Variants in LRP1 observed in about 807,000 individuals in gnomAD.
LRP1 encodes the protein prolow-density lipoprotein receptor-related protein 1.
A neutral mutation model predicts 541.5 loss-of-function variants in LRP1; 51 were observed. That is an observed-to-expected ratio of 0.09 (90% CI 0.08 to 0.12). LRP1 has a LOEUF of 0.12. Ranked by LOEUF, LRP1 falls within the 10% of genes least tolerant of loss-of-function variation. LRP1 has a pLI of 1.00. For synonymous variants in LRP1, 2,219 were observed against 2,470.8 expected, an observed-to-expected ratio of 0.90 and a Z score of 3.02; for missense variants, 3,878 against 6,376.2, an observed-to-expected ratio of 0.61 and a Z score of 13.34.
Position 57,128,895 on chromosome 12 carries a change from C to A in LRP1, c.-70C>A. 1 of 1,358,264 alleles carries A rather than the reference C, an allele frequency of 7.4e-7. No homozygotes were observed. The highest frequency in any genetic ancestry group is 1.0e-6 in the Non-Finnish European group (1 of 989,452). The allele number at this position is 1,358,264 out of a possible 1,614,324, so 84.1% of individuals were successfully genotyped here. A position where few individuals can be genotyped will look rare whatever the true frequency, so the allele number is the denominator to read the frequency against. Reference sequence around the variant, plus strand: ...AAGGAGGAAAAGGGGGACCCCCCAACTGGGGGGGGTGAAGGAGAGAAGTAG... The same window carrying A: ...AAGGAGGAAAAGGGGGACCCCCCAAATGGGGGGGGTGAAGGAGAGAAGTAG... On this transcript the variant is annotated 5_prime_UTR_variant, in exon 1 of 89. In the 5' UTR this introduces an upstream ATG that the reference lacks. Coordinates refer to ENST00000243077, the MANE Select transcript of LRP1 (RefSeq NM_002332.3).
At chr12:57,157,043 T>C (rs1346770595) in intron 10 of LRP1, 123 bp downstream of exon 10, 3 of 1,214,326 alleles carry the variant, frequency 2.5e-6, no homozygotes, top group Middle Eastern at 3.0e-4. Flanking sequence ...TCCCAGAGTG[T>C]ACCTGCTAGT....
Position 57,199,451 on chromosome 12 carries a change from T to C in LRP1, c.9865+51T>C, listed in dbSNP as rs761527384. 39 of 1,567,440 alleles carry C rather than the reference T, an allele frequency of 2.5e-5. No homozygotes were observed. The South Asian group carries it at 2.7e-4, about 11-fold the overall frequency. ...GCGAACGGTGAGCCAGGCACCGGGG[T>C]CCCTGGGAGTTCCTGCTCATCCCTT... On this transcript the variant is annotated intron_variant, in intron 61 of 88. Coordinates refer to ENST00000243077, the MANE Select transcript of LRP1 (RefSeq NM_002332.3).
At chr12:57,170,982 C>A (rs1394646586) in intron 20 of LRP1, among the ~76,000 whole-genome samples, 1 of 152,142 alleles carries the variant, frequency 6.6e-6, no homozygotes, top group African/African-American at 2.4e-5. Context: ...GAGCCCTGCC[C>A]TGAGAGGGAG....
chr12:57,176,900 C>A (rs2036058548), intron 24 of LRP1, 141 bp from the exon 25 acceptor site: 2 of 672,320 alleles, frequency 3.0e-6, no homozygotes, highest in Non-Finnish European at 5.2e-6. Context: ...AATAGGAGTC[C>A]TACTCTTGAA....
intron 1 of LRP1, among the ~76,000 whole-genome samples, chr12:57,137,345 T>G (rs1295511626): frequency 2.6e-4 from 33 of 128,688 alleles, no homozygotes; most frequent in African/African-American, 4.7e-4. Context: ...CTGATTGGGG[T>G]GGGAGGGTAG....
chr12:57,132,124 T>A (rs1856621959), intron 1 of LRP1: 1 of 152,348 alleles, frequency 6.6e-6, no homozygotes, highest in Non-Finnish European at 1.5e-5. Flanking sequence ...GTGCTGGGTA[T>A]GAGCGATAGA....
In LRP1 at chr12:57,205,099, C is replaced by G. The variant is rs367898154; in HGVS notation, c.11195-10C>G. On this transcript the variant is annotated splice_polypyrimidine_tract_variant and intron_variant, in intron 72 of 88. Transcript: ENST00000243077. The surrounding 1 kb of genome is among the most constrained non-coding windows in gnomAD (Gnocchi z 4.6). ...GAATACCCAGGGCCTAAAGCCTCTG[C>G]CCTCCTCAGAGCCCCCCACAGCCCA... is the stretch of plus-strand genomic sequence containing the variant. 2.0e-5 allele frequency: 33 copies of G among 1,610,714 alleles called. No individual in the cohort carries two copies. The South Asian group carries it at 3.3e-4, about 16-fold the overall frequency.
rs2036893238 is a variant in LRP1, at chr12:57,210,712, C to T, written c.12755-6C>T. On this transcript the variant is annotated splice_polypyrimidine_tract_variant and splice_region_variant and intron_variant, in intron 82 of 88. Coordinates refer to ENST00000243077, the MANE Select transcript of LRP1 (RefSeq NM_002332.3). The stretch of plus-strand genomic sequence containing the variant: ...ACAGTCGCGCTCACACATCCTCTCC[C>T]ACCAGGCATGCCCACGTGCCGGTGC... The T allele has an allele frequency of 1.2e-6, 2 of 1,606,402 alleles. No individual in the cohort carries two copies. Among genetic ancestry groups the T allele is most frequent in the Non-Finnish European group, 1.7e-6 (2 of 1,174,306 alleles).
At chr12:57,203,959 C>T (rs1222971329) in intron 70 of LRP1, 5 of 192,734 alleles carry the variant, frequency 2.6e-5, no homozygotes, top group Non-Finnish European at 5.2e-5. Context: ...AGGTGAAGCC[C>T]GGGATGAGAA....
Position 57,207,935 on chromosome 12 carries a change from C to T in LRP1, c.11860-103C>T, listed in dbSNP as rs371243298. ...AATCTCTTTAAAGCCAGGGTCCTGGCTGTGAGCCTGGGGTGACGTTCCAGC... is the reference window on the plus strand; with the variant it reads ...AATCTCTTTAAAGCCAGGGTCCTGGTTGTGAGCCTGGGGTGACGTTCCAGC... On this transcript the variant is annotated intron_variant, in intron 76 of 88. Coordinates refer to ENST00000243077, the MANE Select transcript of LRP1 (RefSeq NM_002332.3). 102 of 1,305,232 alleles carry T rather than the reference C, an allele frequency of 7.8e-5. No homozygotes were observed. The African/African-American group carries it at 1.3e-3, about 16-fold the overall frequency. 80.9% of individuals were successfully genotyped at this position (1,305,232 alleles called of 1,614,324 possible). A position where few individuals can be genotyped will look rare whatever the true frequency, so the allele number is the denominator to read the frequency against.
In LRP1 at chr12:57,198,185, C is replaced by T. The variant is rs754181434; in HGVS notation, c.9312C>T (p.Pro3104=). 25 of 1,612,870 alleles carry T rather than the reference C, an allele frequency of 1.6e-5. No individual in the cohort carries two copies. The East Asian group carries it at 3.3e-4, about 22-fold the overall frequency. The change falls in exon 59 of 89, where the codon CCC becomes CCT. Residue 3104 remains proline, a synonymous_variant. Transcript: ENST00000243077. ...QVLHRTGLSN[P]DGLAVDWVGG... ...TACACCGTACAGGCCTCAGCAACCCCGATGGGCTGGCTGTGGACTGGGTGG... is the reference window on the plus strand; with the variant it reads ...TACACCGTACAGGCCTCAGCAACCCTGATGGGCTGGCTGTGGACTGGGTGG...
At position 57,197,582 on chromosome 12, in the gene LRP1, G is replaced by A. The variant is rs375098933; in HGVS notation, c.9200G>A (p.Arg3067Gln). The A allele has an allele frequency of 8.1e-5, 131 of 1,614,038 alleles. 4 individuals carry two copies. The highest frequency in any genetic ancestry group is 7.6e-4 in the East Asian group (34 of 44,864). Residue 3067 changes from arginine to glutamine, a missense_variant, in exon 58 of 89, where the codon CGA becomes CAA. Physicochemically the swap from Arg to Gln is conservative, Grantham distance 43. Around this residue, in one of 13 missense-constraint regions of LRP1, gnomAD observed 1,100 missense variants for 1,827.4 expected, o/e 0.60. Coordinates refer to ENST00000243077, the MANE Select transcript of LRP1 (RefSeq NM_002332.3). This position sits in a 1 kb window ranked among gnomAD's most constrained non-coding sequence, Gnocchi z 4.5. Reference protein sequence around the residue: ...NNAVALDFDYREQMIYWTDVT... With the variant: ...NNAVALDFDYQEQMIYWTDVT... ...GCCGTTGCCTTGGATTTTGACTACC[G>A]AGAGCAGATGATCTACTGGACAGAT...
In LRP1 at chr12:57,205,051, C is replaced by T; in HGVS notation, c.11195-58C>T. 1 of 1,557,168 alleles carries T rather than the reference C, an allele frequency of 6.4e-7. No individual in the cohort carries two copies. On this transcript the variant is annotated intron_variant, in intron 72 of 88. Transcript: ENST00000243077. This position sits in a 1 kb window ranked among gnomAD's most constrained non-coding sequence, Gnocchi z 4.6. ...GGAGCCACTGTTATCTATGGGGTTG[C>T]CGTGGGAGGAGGAGGCAGGGGAGAA...
chr12:57,142,630 A>T (rs2035316919), intron 3 of LRP1, among the ~76,000 whole-genome samples: 1 of 152,168 alleles, frequency 6.6e-6, no homozygotes, highest in South Asian at 2.1e-4. Flanking sequence ...CAGTCTCTAA[A>T]ACAACAGAGA....
Position 57,180,825 on chromosome 12 carries a change from C to T in LRP1, c.5527+18C>T, listed in dbSNP as rs1046696814. Reference sequence around the variant, plus strand: ...CCAGCTGGGTAGGTGCGAGGCCGGGCGGCCGCTGGGGGCTCAGGGGCAACA... The same window carrying T: ...CCAGCTGGGTAGGTGCGAGGCCGGGTGGCCGCTGGGGGCTCAGGGGCAACA... On this transcript the variant is annotated intron_variant, in intron 33 of 88. Transcript: ENST00000243077. The T allele has an allele frequency of 2.7e-5, 43 of 1,612,254 alleles. No homozygotes were observed. Among genetic ancestry groups the T allele is most frequent in the Admixed American group, 5.0e-5 (3 of 60,014 alleles).
intron 45 of LRP1, 92 bp from the exon 46 acceptor site, chr12:57,193,084 G>A (rs1260960593): frequency 8.2e-6 from 13 of 1,585,354 alleles, no homozygotes; most frequent in East Asian, 2.3e-5. Context: ...CCAAGAAGAC[G>A]CTGATGATGA....
chr12:57,171,616 G>A (rs2035945208), intron 20 of LRP1, among the ~76,000 whole-genome samples: 1 of 152,182 alleles, frequency 6.6e-6, no homozygotes, highest in South Asian at 2.1e-4. Context: ...TGTGATGTAG[G>A]AGGTGATTTC....
chr12:57,197,642 A>C lies in LRP1; in HGVS notation c.9260A>C (p.His3087Pro), dbSNP rs751553318. Residue 3087 changes from histidine to proline, a missense_variant, in exon 58 of 89, where the codon CAC (histidine) becomes CCC (proline). Coordinates refer to ENST00000243077, the MANE Select transcript of LRP1 (RefSeq NM_002332.3). The surrounding 1 kb of genome is among the most constrained non-coding windows in gnomAD (Gnocchi z 4.5). ...CAGGGCAGCATGATCCGAAGGATGC[A>C]CCTTAACGGGAGCAATGTGCAGGTG... Reference protein sequence around the residue: ...TTQGSMIRRMHLNGSNVQVLH... With the variant: ...TTQGSMIRRMPLNGSNVQVLH... 1 of 1,613,746 alleles carries C rather than the reference A, an allele frequency of 6.2e-7. No homozygotes were observed. Among genetic ancestry groups the C allele is most frequent in the African/African-American group, 1.3e-5 (1 of 74,826 alleles).
chr12:57,138,799 C>T (rs2035227268), intron 2 of LRP1, among the ~76,000 whole-genome samples: 1 of 152,220 alleles, frequency 6.6e-6, no homozygotes, highest in Admixed American at 6.5e-5. Flanking sequence ...ATTTCTCCCT[C>T]AAGTGCTGCA....
Sources: gnomAD v4.1 joint callset for allele counts (sites outside exome capture counted in the v4.1 genomes callset) on GRCh38, gnomAD v4.1.1 for gene constraint, gnomAD v4.1.1 regional missense constraint, Gnocchi (gnomAD v3.1) non-coding constraint, MANE v1.5 for transcripts, NCBI Gene and HGNC (gene_info 2026-07-23, HGNC 2026-07-21) for gene names.